The following TMCC1 variants were observed in gnomAD, a reference collection of about 807,000 sequenced individuals.
TMCC1 encodes transmembrane and coiled-coil domain family 1.
Under a neutral mutation model 52.4 loss-of-function variants are expected in TMCC1, and 15 were observed. The observed-to-expected ratio is 0.29, with a 90% CI of 0.19 to 0.44. The LOEUF is 0.44. Among genes scored for constraint, TMCC1 ranks in the 20% least tolerant of loss-of-function variants. The pLI is 1.00. For missense variants in TMCC1, 503 were observed against 806.0 expected, an observed-to-expected ratio of 0.62 and a Z score of 4.55; for synonymous variants, 279 against 301.9, an observed-to-expected ratio of 0.92 and a Z score of 0.79.
At chr3:129,870,264 A>G (rs888053687) in intron 2 of TMCC1, among the ~76,000 whole-genome samples, 7 of 152,116 alleles carry the variant, frequency 4.6e-5, no homozygotes, top group African/African-American at 1.7e-4. Flanking sequence ...CCTCCAGTTA[A>G]TAAGAAACTA....
intron 4 of TMCC1, among the ~76,000 whole-genome samples, chr3:129,675,415 A>G (rs980070757): frequency 6.6e-6 from 1 of 152,232 alleles, no homozygotes; most frequent in Non-Finnish European, 1.5e-5. Context: ...CATCAACTGT[A>G]CTAATGCTCA....
intron 4 of TMCC1, among the ~76,000 whole-genome samples, chr3:129,804,957 C>A (rs2057381044): frequency 6.6e-6 from 1 of 152,156 alleles, no homozygotes; most frequent in Admixed American, 6.5e-5. Flanking sequence ...TATGGTACTT[C>A]ATTATGGTGC....
chr3:129,875,141 G>A lies in TMCC1; in HGVS notation c.-184+5168C>T, dbSNP rs1466857468. Reference sequence around the variant, plus strand: ...GATCTAAGGTAGGCGGATCACTTGAGCCCAGTAGTTCATCTAGCCTGAGCA... The same window carrying A: ...GATCTAAGGTAGGCGGATCACTTGAACCCAGTAGTTCATCTAGCCTGAGCA... On this transcript the variant is annotated intron_variant, in intron 2 of 6. Transcript: ENST00000393238. 2.0e-5 allele frequency among the ~76,000 whole-genome samples: 3 copies of A among 151,332 alleles called. No homozygotes were observed. The East Asian group carries it at 5.9e-4, about 30-fold the overall frequency.
At chr3:129,809,093 A>C (rs1017327954) in intron 4 of TMCC1, among the ~76,000 whole-genome samples, 2 of 151,660 alleles carry the variant, frequency 1.3e-5, no homozygotes, top group Non-Finnish European at 2.9e-5. Context: ...TAAAAATACA[A>C]AAAGTTAGCT....
intron 5 of TMCC1, among the ~76,000 whole-genome samples, chr3:129,669,658 C>A (rs1289289031): frequency 3.9e-5 from 6 of 152,014 alleles, no homozygotes; most frequent in Non-Finnish European, 7.4e-5. Context: ...TTTCTCTCTG[C>A]GTGTGAAGGT....
At chr3:129,820,449 G>A (rs1485308496) in intron 4 of TMCC1, among the ~76,000 whole-genome samples, 3 of 151,960 alleles carry the variant, frequency 2.0e-5, no homozygotes, top group Non-Finnish European at 4.4e-5. Flanking sequence ...ACAATGTGAA[G>A]GCAATTCATG....
At chr3:129,767,750 A>G (rs2054246928) in intron 4 of TMCC1, among the ~76,000 whole-genome samples, 1 of 152,190 alleles carries the variant, frequency 6.6e-6, no homozygotes, top group Admixed American at 6.5e-5. Context: ...TAATTTTACA[A>G]TATGTGACTT....
chr3:129,667,520 T>C (rs1321610750), intron 5 of TMCC1, among the ~76,000 whole-genome samples: 4 of 152,148 alleles, frequency 2.6e-5, no homozygotes, highest in Non-Finnish European at 4.4e-5. Context: ...TCAGATTACG[T>C]AGTATGTCTT....
intron 1 of TMCC1, among the ~76,000 whole-genome samples, chr3:129,880,954 C>T (rs2061431220): frequency 6.6e-6 from 1 of 151,330 alleles, no homozygotes; most frequent in African/African-American, 2.4e-5. Flanking sequence ...ACCTCCACCT[C>T]CCAGGTTCAA....
chr3:129,689,490 T>C (rs1050462364), intron 4 of TMCC1, among the ~76,000 whole-genome samples: 1 of 152,190 alleles, frequency 6.6e-6, no homozygotes, highest in Non-Finnish European at 1.5e-5. Context: ...GAGGTTAACA[T>C]GCAGAAAGGA....
chr3:129,829,317 G>A (rs554815791), intron 3 of TMCC1, among the ~76,000 whole-genome samples: 1 of 151,910 alleles, frequency 6.6e-6, no homozygotes, highest in African/African-American at 2.4e-5. Flanking sequence ...AAAGTAACTG[G>A]GTAGGATAGA....
At chr3:129,769,388 C>G (rs1055804006) in intron 4 of TMCC1, among the ~76,000 whole-genome samples, 2 of 152,140 alleles carry the variant, frequency 1.3e-5, no homozygotes, top group Non-Finnish European at 2.9e-5. Flanking sequence ...CGACACCACA[C>G]CTGGCTAATT....
intron 2 of TMCC1, among the ~76,000 whole-genome samples, chr3:129,862,318 T>C (rs899350924): frequency 2.0e-5 from 3 of 152,178 alleles, no homozygotes; most frequent in Admixed American, 1.3e-4. Flanking sequence ...TCTGTGAATA[T>C]ACTAAAAACC....
At chr3:129,840,590 T>C (rs1028586646) in intron 2 of TMCC1, among the ~76,000 whole-genome samples, 3 of 151,978 alleles carry the variant, frequency 2.0e-5, no homozygotes, top group Non-Finnish European at 4.4e-5. Context: ...AATCCACACA[T>C]GTCAAGGGAG....
rs530600234 is a variant in TMCC1, at chr3:129,721,862, C to T, written c.577-50598G>A. The stretch of plus-strand genomic sequence containing the variant: ...CTGCACTCCAGCCTGGGCGACAGAG[C>T]GAGACTCCGTCTCAAAAACAAACAA... On this transcript the variant is annotated intron_variant, in intron 4 of 6. Coordinates refer to ENST00000393238, the MANE Select transcript of TMCC1 (RefSeq NM_001017395.5). Among the ~76,000 whole-genome samples, 32 of 140,238 alleles carry T rather than the reference C, an allele frequency of 2.3e-4. No homozygotes were observed. In the South Asian group the frequency reaches 4.0e-3, roughly 17 times the overall value. 92.0% of individuals were successfully genotyped at this position (140,238 alleles called of 152,430 possible).
At chr3:129,801,731 G>A (rs2057209335) in intron 4 of TMCC1, among the ~76,000 whole-genome samples, 1 of 152,140 alleles carries the variant, frequency 6.6e-6, no homozygotes, top group Admixed American at 6.5e-5. Context: ...CACCGCGCCC[G>A]GCCCATGCCT....
intron 4 of TMCC1, chr3:129,818,992 T>C (rs1351138924): frequency 1.3e-5 from 2 of 153,100 alleles, no homozygotes; most frequent in Non-Finnish European, 2.9e-5. Flanking sequence ...CAGATTTCTT[T>C]GTTCCTTCTC....
chr3:129,845,118 A>G (rs557237639), intron 2 of TMCC1, among the ~76,000 whole-genome samples: 15 of 151,980 alleles, frequency 9.9e-5, no homozygotes, highest in African/African-American at 3.4e-4. Flanking sequence ...ATCCCAGGCG[A>G]TGGAAGCTGC....
chr3:129,887,858 T>C (rs745919103), intron 1 of TMCC1, among the ~76,000 whole-genome samples: 29 of 152,186 alleles, frequency 1.9e-4, no homozygotes, highest in Non-Finnish European at 4.0e-4. Context: ...CATAGAAATT[T>C]ATATCACAAA....
Sources: gnomAD v4.1 joint callset for allele counts (sites outside exome capture counted in the v4.1 genomes callset) on GRCh38, gnomAD v4.1.1 for gene constraint, MANE v1.5 for transcripts, NCBI Gene and HGNC (gene_info 2026-07-23, HGNC 2026-07-21) for gene names.